The following PHF20L1 variants were observed in gnomAD, a reference collection of about 807,000 sequenced individuals.
PHF20L1 encodes the protein PHD finger protein 20 like 1.
Under a neutral mutation model 125.5 loss-of-function variants are expected in PHF20L1, and 44 were observed. The ratio of observed to expected loss-of-function variants is 0.35; its 90% confidence interval spans 0.28 to 0.45. PHF20L1 has a LOEUF of 0.45. PHF20L1 is among the 20% of genes least tolerant of loss of function. The pLI is 1.00. For missense variants in PHF20L1, 1,012 were observed against 1,217.2 expected (o/e 0.83, Z 2.51); for synonymous variants, 380 against 403.1 (o/e 0.94, Z 0.69).
At chr8:132,842,402 G>T (rs1009676250) in intron 18 of PHF20L1, 113 bp from the exon 19 acceptor site, 7 of 857,550 alleles carry the variant, frequency 8.2e-6, no homozygotes, top group Non-Finnish European at 1.2e-5. Flanking sequence ...CTTTGCTTTT[G>T]TCTTGAGTCC....
chr8:132,843,155 C>A (rs1428334802), intron 19 of PHF20L1: 1 of 1,090,086 alleles, frequency 9.2e-7, no homozygotes. Flanking sequence ...AAAAAATGAA[C>A]CACATTGTAT....
intron 12 of PHF20L1, among the ~76,000 whole-genome samples, chr8:132,820,989 A>G (rs1835526024): frequency 6.6e-6 from 1 of 151,940 alleles, no homozygotes; most frequent in Middle Eastern, 3.4e-3. Flanking sequence ...ATAAGTTTCA[A>G]GGAGCATTTT....
intron 8 of PHF20L1, chr8:132,808,065 ATTTC>A (rs1833940265): frequency 6.4e-6 from 1 of 156,640 alleles, no homozygotes; most frequent in Non-Finnish European, 1.4e-5. Flanking sequence ...AGTCAGAGTT[ATTTC>A]TTCAAGTACC....
At chr8:132,814,518 T>C (rs1469319078) in intron 9 of PHF20L1, 119 bp from the exon 10 acceptor site, 5 of 589,580 alleles carry the variant, frequency 8.5e-6, no homozygotes, top group African/African-American at 7.7e-5. Context: ...GTAATAGAAA[T>C]GTTATATGTT....
chr8:132,832,281 C>T lies in PHF20L1; in HGVS notation c.1791C>T (p.Cys597=). Residue 597 remains cysteine, a synonymous_variant, in exon 15 of 21, where the codon TGC becomes TGT. Coordinates refer to ENST00000395386, the MANE Select transcript of PHF20L1 (RefSeq NM_016018.5). ...EDSSLEFLER[C]SSPLTRSSGS... The stretch of plus-strand genomic sequence containing the variant: ...GTTCCCTCGAATTTTTGGAAAGGTG[C>T]TCTTCTCCACTAACTCGATCTTCTG... The T allele has an allele frequency of 6.2e-7, 1 of 1,605,854 alleles. No homozygotes were observed. The highest frequency in any genetic ancestry group is 8.5e-7 in the Non-Finnish European group (1 of 1,172,838).
Position 132,799,104 on chromosome 8 carries a change from C to G in PHF20L1, c.439C>G (p.Gln147Glu). Residue 147 changes from glutamine (Q) to glutamate (E), a missense_variant, in exon 6 of 21, where the codon CAG (glutamine) becomes GAG (glutamate). Transcript: ENST00000395386. ...PEDAKGQVKSQHPLSWCCPID... is the reference protein window; with the variant it reads ...PEDAKGQVKSEHPLSWCCPID... The stretch of plus-strand genomic sequence containing the variant: ...CTAGTTTCTGTTCCAGGTGAAATCC[C>G]AGCATCCACTAAGCTGGTGTTGTCC... 1 of 1,609,802 alleles carries G rather than the reference C, an allele frequency of 6.2e-7. No homozygotes were observed. The highest frequency in any genetic ancestry group is 8.5e-7 in the Non-Finnish European group (1 of 1,177,340).
rs1434613993 is a variant in PHF20L1, at chr8:132,839,133, A to G, written c.2192-254A>G. ...CAAAACATTGAAAGCAGTACACTCA[A>G]GGTTCCCTTTGCAAGTGTCATCTGC... On this transcript the variant is annotated intron_variant, in intron 17 of 20. Transcript: ENST00000395386. 9.2e-6 allele frequency: 4 copies of G among 434,838 alleles called. No homozygotes were observed. The East Asian group carries it at 1.2e-4, about 13-fold the overall frequency. The allele number at this position is 434,838 out of a possible 1,614,324, so 26.9% of individuals were successfully genotyped here.
chr8:132,832,158 A>T, intron 14 of PHF20L1, 77 bp from the exon 15 acceptor site: 2 of 923,840 alleles, frequency 2.2e-6, no homozygotes, highest in Non-Finnish European at 3.5e-6. Context: ...ATCCTGAAAC[A>T]TGACTTTCGT....
chr8:132,787,073 G>A (rs566387880), intron 2 of PHF20L1, among the ~76,000 whole-genome samples: 3 of 151,934 alleles, frequency 2.0e-5, no homozygotes, highest in South Asian at 2.1e-4. Flanking sequence ...TATGAAGTTC[G>A]TAAACTTTGA....
chr8:132,810,896 T>A (rs961006943), intron 8 of PHF20L1, 150 bp from the exon 9 acceptor site: 2 of 605,746 alleles, frequency 3.3e-6, no homozygotes, highest in African/African-American at 3.7e-5. Context: ...TTATTAAGCA[T>A]ATTTGTATTT....
chr8:132,795,638 T>C (rs1039544819), intron 4 of PHF20L1, among the ~76,000 whole-genome samples: 3 of 152,104 alleles, frequency 2.0e-5, no homozygotes, highest in African/African-American at 7.2e-5. Flanking sequence ...CTACTAAAGT[T>C]ATTTCTTAAA....
intron 10 of PHF20L1, 127 bp from the exon 11 acceptor site, chr8:132,816,761 C>A (rs569591604): frequency 1.5e-6 from 1 of 668,040 alleles, no homozygotes; most frequent in African/African-American, 1.9e-5. Context: ...CATGCCATTC[C>A]TTGTGGATAT....
intron 8 of PHF20L1, among the ~76,000 whole-genome samples, chr8:132,805,417 T>A (rs150416364): frequency 6.6e-6 from 1 of 152,002 alleles, no homozygotes; most frequent in Non-Finnish European, 1.5e-5. Flanking sequence ...GGGCCAGTCA[T>A]ACTACATCCT....
At chr8:132,818,428 A>G (rs530307734) in intron 12 of PHF20L1, 1 of 151,978 alleles carries the variant, frequency 6.6e-6, no homozygotes, top group South Asian at 2.1e-4. Flanking sequence ...CATTTTATCC[A>G]TTTTTTGGAT....
At chr8:132,800,248 T>C (rs1832891344) in intron 6 of PHF20L1, among the ~76,000 whole-genome samples, 1 of 151,776 alleles carries the variant, frequency 6.6e-6, no homozygotes, top group Non-Finnish European at 1.5e-5. Context: ...AGTGATTCTT[T>C]AGTCACACTA....
intron 2 of PHF20L1, among the ~76,000 whole-genome samples, chr8:132,787,295 A>G (rs1831161090): frequency 6.6e-6 from 1 of 152,012 alleles, no homozygotes. Context: ...AGGAACTTAA[A>G]TACAGTGATC....
Position 132,846,845 on chromosome 8 carries a change from A to G in PHF20L1, c.*922A>G, listed in dbSNP as rs1372450735. The G allele has an allele frequency of 4.6e-5, 7 of 152,254 alleles. No individual in the cohort carries two copies. The East Asian group carries it at 1.2e-3, about 25-fold the overall frequency. 9.4% of individuals were successfully genotyped at this position (152,254 alleles called of 1,614,324 possible). ...TTTGCCTTCAGAAAAAAAAAAATAC[A>G]TTGTAAATAACCTCAGCTGGGATGA... On this transcript the variant is annotated 3_prime_UTR_variant, in exon 21 of 21. Coordinates refer to ENST00000395386, the MANE Select transcript of PHF20L1 (RefSeq NM_016018.5).
At chr8:132,805,455 T>TG (rs1833576678) in intron 8 of PHF20L1, among the ~76,000 whole-genome samples, 1 of 151,982 alleles carries the variant, frequency 6.6e-6, no homozygotes, top group South Asian at 2.1e-4. Context: ...TTCAGCCTAG[T>TG]GATTCTAGTC....
intron 18 of PHF20L1, 34 bp from the exon 19 acceptor site, chr8:132,842,481 T>G (rs764545891): frequency 1.3e-6 from 2 of 1,539,128 alleles, no homozygotes; most frequent in Non-Finnish European, 1.7e-6. Context: ...TTTTTTTTTT[T>G]TCTGAACTGC....
Sources: gnomAD v4.1 joint callset for allele counts (sites outside exome capture counted in the v4.1 genomes callset) on GRCh38, gnomAD v4.1.1 for gene constraint, MANE v1.5 for transcripts, NCBI Gene and HGNC (gene_info 2026-07-23, HGNC 2026-07-21) for gene names.